Variants in FDFT1 observed in about 807,000 individuals in gnomAD.
FDFT1 encodes the protein farnesyl-diphosphate farnesyltransferase 1.
Under a neutral mutation model 46.8 loss-of-function variants are expected in FDFT1, and 68 were observed. The ratio of observed to expected loss-of-function variants is 1.45; its 90% confidence interval spans 1.19 to 1.78. The LOEUF (loss-of-function observed/expected upper bound fraction) is 1.78. Ranked by LOEUF, FDFT1 falls within the 40% of genes most tolerant of loss-of-function variation. FDFT1 has a pLI of 0.00. For missense variants in FDFT1, 928 were observed against 524.4 expected, an observed-to-expected ratio of 1.77 and a Z score of -7.52; for synonymous variants, 351 against 185.1, an observed-to-expected ratio of 1.90 and a Z score of -7.28.
In FDFT1 at chr8:11,813,813, C is replaced by T. The variant is rs533613109; in HGVS notation, c.381+3963C>T. On this transcript the variant is annotated intron_variant, in intron 3 of 7. Coordinates refer to ENST00000220584, the MANE Select transcript of FDFT1 (RefSeq NM_004462.5). ...CAGAATTACCTGGAAGCGGAAAAAG[C>T]CCTCCTGGCTCAATTCACATGTCAC... Among the ~76,000 whole-genome samples the T allele has an allele frequency of 7.2e-5, 11 of 152,250 alleles. No individual in the cohort carries two copies. The South Asian group carries it at 2.3e-3, about 32-fold the overall frequency.
Position 11,808,825 on chromosome 8 carries a change from A to C in FDFT1, c.131A>C (p.Tyr44Ser). The change falls in exon 2 of 8, where the codon TAC becomes TCC. Residue 44 changes from tyrosine to serine, a missense_variant. Physicochemically the swap from Tyr to Ser is moderately radical, Grantham distance 144. Coordinates refer to ENST00000220584, the MANE Select transcript of FDFT1 (RefSeq NM_004462.5). ...DSLSSSLKTC[Y>S]KYLNQTSRSF... Reference sequence around the variant, plus strand: ...CTCAGCAGCAGCCTGAAAACTTGCTACAAGTATCTCAATCAGACCAGTCGC... The same window carrying C: ...CTCAGCAGCAGCCTGAAAACTTGCTCCAAGTATCTCAATCAGACCAGTCGC... The C allele has an allele frequency of 6.2e-7, 1 of 1,613,860 alleles. No individual in the cohort carries two copies. The highest frequency in any genetic ancestry group is 8.5e-7 in the Non-Finnish European group (1 of 1,179,936).
At chr8:11,796,838 G>A (rs563900273) in intron 1 of FDFT1, among the ~76,000 whole-genome samples, 67 of 152,344 alleles carry the variant, frequency 4.4e-4, no homozygotes, top group African/African-American at 1.6e-3. Context: ...AGAATTCAAG[G>A]GTGAGCCAGT....
chr8:11,830,552 G>T, intron 6 of FDFT1, 132 bp downstream of exon 6: 1 of 661,156 alleles, frequency 1.5e-6, no homozygotes, highest in East Asian at 2.7e-5. Context: ...ATTACGCTGG[G>T]AGTTTCATAG....
intron 5 of FDFT1, 21 bp downstream of exon 5, chr8:11,826,236 T>C: frequency 1.4e-6 from 2 of 1,471,490 alleles, no homozygotes; most frequent in Non-Finnish European, 1.8e-6. Context: ...CAGGGTATTT[T>C]GGGGGAAAAT....
In FDFT1 at chr8:11,838,894, T is replaced by C. The variant is rs1380248390; in HGVS notation, c.*285T>C. The C allele has an allele frequency of 7.1e-6, 3 of 425,294 alleles. No individual in the cohort carries two copies. The highest frequency in any genetic ancestry group is 1.3e-5 in the Non-Finnish European group (3 of 233,306). 26.3% of individuals were successfully genotyped at this position (425,294 alleles called of 1,614,324 possible). On this transcript the variant is annotated 3_prime_UTR_variant, in exon 8 of 8. Coordinates refer to ENST00000220584, the MANE Select transcript of FDFT1 (RefSeq NM_004462.5). ...ACGGTTTAGGTGAAGTCGCTGCATA[T>C]GTGACTGTCATGAGATCCTACTTAG...
chr8:11,799,299 T>G (rs931035913), upstream of FDFT1, among the ~76,000 whole-genome samples: 100 of 152,090 alleles, frequency 6.6e-4, no homozygotes, highest in African/African-American at 2.1e-3. Flanking sequence ...TTATGGCTGG[T>G]GGAACAGGGG....
In FDFT1 at chr8:11,809,648, A is replaced by G. The variant is rs779200501; in HGVS notation, c.198-19A>G. On this transcript the variant is annotated intron_variant, in intron 2 of 7. Transcript: ENST00000220584. ...TGGCTGTTTGTTCCAATATATTAATAGTTTTCCCTTTTTTACAGCAACGCA... is the reference window on the plus strand; with the variant it reads ...TGGCTGTTTGTTCCAATATATTAATGGTTTTCCCTTTTTTACAGCAACGCA... 3.8e-6 allele frequency: 6 copies of G among 1,576,092 alleles called. No homozygotes were observed. The highest frequency in any genetic ancestry group is 5.2e-6 in the Non-Finnish European group (6 of 1,162,938).
intron 7 of FDFT1, among the ~76,000 whole-genome samples, chr8:11,832,047 C>G (rs936031597): frequency 1.3e-5 from 2 of 152,234 alleles, no homozygotes; most frequent in Non-Finnish European, 2.9e-5. Context: ...CTCTGGCTCC[C>G]GTCCATGTGT....
chr8:11,823,678 C>T (rs571405285), intron 4 of FDFT1, among the ~76,000 whole-genome samples: 2 of 152,120 alleles, frequency 1.3e-5, no homozygotes, highest in African/African-American at 4.8e-5. Flanking sequence ...AGCAATCTTC[C>T]TTGCCCTCAG....
Position 11,831,527 on chromosome 8 carries a change from A to C in FDFT1, c.889A>C (p.Ile297Leu). ...TTCTTGTTGTCTCTAGGTGATGGCC[A>C]TTGCCACTTTGGCTGCCTGTTATAA... Reference protein sequence around the residue: ...NFCAIPQVMAIATLAACYNNQ... With the variant: ...NFCAIPQVMALATLAACYNNQ... The change falls in exon 7 of 8, where the codon ATT becomes CTT. Residue 297 changes from isoleucine (I) to leucine (L), a missense_variant. Physicochemically the swap from Ile to Leu is conservative, Grantham distance 5 (BLOSUM62 2). Transcript: ENST00000220584. 1 of 1,614,082 alleles carries C rather than the reference A, an allele frequency of 6.2e-7. No individual in the cohort carries two copies. Among genetic ancestry groups the C allele is most frequent in the Non-Finnish European group, 8.5e-7 (1 of 1,179,950 alleles).
chr8:11,830,515 T>A (rs550711143), intron 6 of FDFT1, 95 bp downstream of exon 6: 1 of 889,888 alleles, frequency 1.1e-6, no homozygotes. Context: ...AGGATATGAT[T>A]CCTTAAAAAG....
rs1203579862 is a variant in FDFT1, at chr8:11,838,377, G to A, written c.1033-11G>A. ...CATAGCACTTATCATTTTTTCCTGT[G>A]TCTTTAACAGATTTATCATAGAATC... On this transcript the variant is annotated splice_polypyrimidine_tract_variant and intron_variant, in intron 7 of 7. Transcript: ENST00000220584. 3.7e-6 allele frequency: 6 copies of A among 1,606,238 alleles called. No individual in the cohort carries two copies. The highest frequency in any genetic ancestry group is 1.3e-5 in the African/African-American group (1 of 74,724).
rs1316948242 is a variant in FDFT1 at position 11,838,684 on chromosome 8, CTCTT to C, written c.*77_*80del. ...TTTCTTTAAGGATGGATGTTGTGTT[CTCTT>C]TATTTTTTTCCTACTACTTTAATCC... is the stretch of plus-strand genomic sequence containing the variant. On this transcript the variant is annotated 3_prime_UTR_variant, in exon 8 of 8. Transcript: ENST00000220584. The C allele has an allele frequency of 8.5e-7, 1 of 1,180,756 alleles. No individual in the cohort carries two copies. Among genetic ancestry groups the C allele is most frequent in the African/African-American group, 1.5e-5 (1 of 66,074 alleles). 73.1% of individuals were successfully genotyped at this position (1,180,756 alleles called of 1,614,324 possible).
chr8:11,796,731 T>C (rs28380721), intron 1 of FDFT1, among the ~76,000 whole-genome samples: 5,775 of 152,308 alleles, frequency 0.038, 371 homozygotes, highest in African/African-American at 0.13. Flanking sequence ...TCCTGACCAT[T>C]TGGGGCTGAT....
At chr8:11,799,124 C>T (rs1338193604), upstream of FDFT1, among the ~76,000 whole-genome samples, 1 of 152,212 alleles carries the variant, frequency 6.6e-6, no homozygotes, top group Admixed American at 6.5e-5. Context: ...AGAGACTCAA[C>T]ATGTGAATGC....
chr8:11,819,215 C>T (rs781182699), intron 3 of FDFT1, among the ~76,000 whole-genome samples: 3 of 152,342 alleles, frequency 2.0e-5, no homozygotes, highest in South Asian at 4.1e-4. Flanking sequence ...GCTGAGAGAT[C>T]TGCTGTTAGT....
At chr8:11,806,149 C>G (rs1806798724) in intron 1 of FDFT1, among the ~76,000 whole-genome samples, 1 of 152,102 alleles carries the variant, frequency 6.6e-6, no homozygotes, top group African/African-American at 2.4e-5. Flanking sequence ...TCCTGGGAGT[C>G]TGGTCTTGTC....
At chr8:11,810,366 C>T (rs1280931477) in intron 3 of FDFT1, among the ~76,000 whole-genome samples, 4 of 152,176 alleles carry the variant, frequency 2.6e-5, no homozygotes, top group Non-Finnish European at 5.9e-5. Context: ...GACTGCTGCT[C>T]ACGATGGGCA....
intron 3 of FDFT1, among the ~76,000 whole-genome samples, chr8:11,817,304 C>T (rs749961289): frequency 1.3e-5 from 2 of 152,218 alleles, no homozygotes; most frequent in African/African-American, 4.8e-5. Flanking sequence ...CATCAACGTT[C>T]ATCAGGGATA....
Sources: gnomAD v4.1 joint callset for allele counts (sites outside exome capture counted in the v4.1 genomes callset) on GRCh38, gnomAD v4.1.1 for gene constraint, MANE v1.5 for transcripts, NCBI Gene and HGNC (gene_info 2026-07-23, HGNC 2026-07-21) for gene names.